The following GARNL3 variants were observed in gnomAD, a reference collection of about 807,000 sequenced individuals.
The protein encoded by GARNL3 is GTPase-activating Rap/Ran-GAP domain-like protein 3.
GARNL3 carries 63 observed loss-of-function variants against 125.0 expected under a neutral mutation model. The observed-to-expected ratio is 0.50, with a 90% confidence interval of 0.41 to 0.62. The LOEUF is 0.62. Among genes scored for constraint, GARNL3 ranks in the 20% least tolerant of loss-of-function variants. The pLI is 0.00. For synonymous variants in GARNL3, 439 were observed against 457.5 expected (o/e 0.96, Z 0.52); for missense variants, 994 against 1,244.0 (o/e 0.80, Z 3.02).
At chr9:127,317,446 C>T (rs562906769) in intron 4 of GARNL3, among the ~76,000 whole-genome samples, 2 of 152,210 alleles carry the variant, frequency 1.3e-5, no homozygotes, top group South Asian at 4.1e-4. Context: ...AATTCCCAGC[C>T]GGGCGTGGTG....
chr9:127,286,865 A>G (rs912505475), intron 1 of GARNL3, among the ~76,000 whole-genome samples: 2 of 152,192 alleles, frequency 1.3e-5, no homozygotes, highest in Non-Finnish European at 2.9e-5. Flanking sequence ...GTTGGCTTAG[A>G]ACGTCACAGT....
At chr9:127,366,168 T>A (rs1831278173) in intron 22 of GARNL3, among the ~76,000 whole-genome samples, 1 of 152,184 alleles carries the variant, frequency 6.6e-6, no homozygotes, top group Admixed American at 6.5e-5. Context: ...TAATGCTGGG[T>A]CAGATGTTTT....
chr9:127,233,874 T>G (rs2063065089), intron 1 of GARNL3, among the ~76,000 whole-genome samples: 1 of 152,244 alleles, frequency 6.6e-6, no homozygotes, highest in African/African-American at 2.4e-5. Flanking sequence ...TTCCTTATGT[T>G]TCTTGGGACT....
intron 16 of GARNL3, 41 bp downstream of exon 16, chr9:127,345,518 T>G: frequency 8.1e-7 from 1 of 1,238,864 alleles, no homozygotes; most frequent in South Asian, 1.3e-5. Context: ...TGAATTCCCC[T>G]TTTCCTTAAT....
chr9:127,241,300 G>GA (rs372844460), intron 1 of GARNL3, among the ~76,000 whole-genome samples: 397 of 146,698 alleles, frequency 2.7e-3, no homozygotes, highest in Middle Eastern at 0.017. Context: ...AGGTTCAAAA[G>GA]AAAAAAAAAA....
intron 2 of GARNL3, among the ~76,000 whole-genome samples, chr9:127,298,973 T>A (rs1365718427): frequency 6.6e-6 from 1 of 152,088 alleles, no homozygotes; most frequent in Non-Finnish European, 1.5e-5. Context: ...TCAACAGAAA[T>A]GCTTCCCACA....
rs559554498 is a variant in GARNL3 at position 127,384,320 on chromosome 9, C to T, written c.2270-707C>T. Among the ~76,000 whole-genome samples, 54 of 152,196 alleles carry T rather than the reference C, an allele frequency of 3.5e-4. No individual in the cohort carries two copies. The highest frequency in any genetic ancestry group is 2.9e-3 in the Admixed American group (45 of 15,292). ...ACCAGGAAAGCCAGGAGAGCAGATG[C>T]GCTCATCCATGGAAAGAGTGCAGAG... On this transcript the variant is annotated intron_variant, in intron 23 of 27. Transcript: ENST00000373387. This position sits in a 1 kb window ranked among gnomAD's most constrained non-coding sequence, Gnocchi z 4.0.
At chr9:127,288,929 T>C (rs1045872395) in intron 1 of GARNL3, among the ~76,000 whole-genome samples, 2 of 152,198 alleles carry the variant, frequency 1.3e-5, no homozygotes, top group African/African-American at 2.4e-5. Context: ...GTCCCACGTC[T>C]TTATAGACCT....
chr9:127,359,603 C>T (rs1381367420), intron 21 of GARNL3, among the ~76,000 whole-genome samples: 3 of 152,192 alleles, frequency 2.0e-5, no homozygotes, highest in African/African-American at 7.2e-5. Context: ...CTTTTCCTGG[C>T]AGCTAGTTTC....
chr9:127,245,036 G>A (rs1439393498), intron 2 of GARNL3, among the ~76,000 whole-genome samples: 1 of 152,210 alleles, frequency 6.6e-6, no homozygotes. Flanking sequence ...GGTGGGGCGG[G>A]TGGGTAGCCC....
chr9:127,297,170 CCTCT>C (rs1360342892), intron 2 of GARNL3, among the ~76,000 whole-genome samples: 2 of 152,190 alleles, frequency 1.3e-5, no homozygotes, highest in Non-Finnish European at 2.9e-5. Context: ...GGTCTCCCTC[CCTCT>C]GTCACCTAGG....
intron 1 of GARNL3, among the ~76,000 whole-genome samples, chr9:127,267,360 C>T (rs948565213): frequency 2.0e-4 from 31 of 152,266 alleles, no homozygotes; most frequent in African/African-American, 7.2e-4. Flanking sequence ...CTTATAGCTA[C>T]AAACCTCATT....
chr9:127,248,908 G>A (rs2063351363), intron 2 of GARNL3, among the ~76,000 whole-genome samples: 1 of 152,016 alleles, frequency 6.6e-6, no homozygotes, highest in African/African-American at 2.4e-5. Flanking sequence ...ACCACGCCTG[G>A]CCAGTATTTT....
rs71308298 is a variant in GARNL3, at chr9:127,231,050, ATTT to A, written c.-29+6732_-29+6734del. ...TGTATATATACATATATATATATATATTTTTTTTTTTTTTTTTTTTTTGAGACA... is the reference window on the plus strand; with the variant it reads ...TGTATATATACATATATATATATATATTTTTTTTTTTTTTTTTTTGAGACA... On this transcript the variant is annotated intron_variant, in intron 1 of 10. Coordinates refer to the GARNL3 transcript ENST00000439286. Among the ~76,000 whole-genome samples the A allele has an allele frequency of 3.3e-3, 298 of 89,510 alleles. 3 individuals are homozygous for A. In the East Asian group the frequency reaches 0.039, roughly 12 times the overall value. 58.7% of individuals were successfully genotyped at this position (89,510 alleles called of 152,430 possible). A position where few individuals can be genotyped will look rare whatever the true frequency, so the allele number is the denominator to read the frequency against.
upstream of GARNL3, among the ~76,000 whole-genome samples, chr9:127,263,417 A>G (rs532188313): frequency 6.6e-6 from 1 of 152,210 alleles, no homozygotes; most frequent in African/African-American, 2.4e-5. Flanking sequence ...GCATTTAGTC[A>G]ACAGCCATTG....
intron 17 of GARNL3, among the ~76,000 whole-genome samples, chr9:127,352,301 A>C (rs1830460501): frequency 6.6e-6 from 1 of 152,174 alleles, no homozygotes; most frequent in Non-Finnish European, 1.5e-5. Flanking sequence ...TTCCTACCTA[A>C]TAAGGTCATT....
At chr9:127,226,136 A>T (rs529915281) in intron 1 of GARNL3, among the ~76,000 whole-genome samples, 19 of 152,136 alleles carry the variant, frequency 1.2e-4, no homozygotes, top group Non-Finnish European at 2.6e-4. Context: ...GGTCTTCCTA[A>T]AGCCGTGACT....
chr9:127,313,437 C>A lies in GARNL3; in HGVS notation c.320-4C>A. 6.2e-7 allele frequency: 1 copy of A among 1,604,042 alleles called. No individual in the cohort carries two copies. Among genetic ancestry groups the A allele is most frequent in the South Asian group, 1.1e-5 (1 of 90,854 alleles). On this transcript the variant is annotated splice_polypyrimidine_tract_variant and splice_region_variant and intron_variant, in intron 3 of 27. Transcript: ENST00000373387. Reference sequence around the variant, plus strand: ...TCTCACTGTTCTAAACCTTTCTTTTCCAGTCCATCAGAACTACATTGGAAA... The same window carrying A: ...TCTCACTGTTCTAAACCTTTCTTTTACAGTCCATCAGAACTACATTGGAAA...
At chr9:127,282,340 A>G (rs1376177732) in intron 1 of GARNL3, among the ~76,000 whole-genome samples, 1 of 152,250 alleles carries the variant, frequency 6.6e-6, no homozygotes, top group African/African-American at 2.4e-5. Flanking sequence ...ACTACAATAT[A>G]TATTATAGCA....
Sources: gnomAD v4.1 joint callset for allele counts (sites outside exome capture counted in the v4.1 genomes callset) on GRCh38, gnomAD v4.1.1 for gene constraint, Gnocchi (gnomAD v3.1) non-coding constraint, MANE v1.5 for transcripts, NCBI Gene and HGNC (gene_info 2026-07-23, HGNC 2026-07-21) for gene names.